The following AGTPBP1 variants were observed in gnomAD, a reference collection of about 807,000 sequenced individuals.
AGTPBP1 encodes ATP/GTP binding carboxypeptidase 1, also known as cytosolic carboxypeptidase 1.
A neutral mutation model predicts 143.9 loss-of-function variants in AGTPBP1; 70 were observed. That is an observed-to-expected ratio of 0.49 (90% CI 0.40 to 0.59). The LOEUF is 0.59. Ranked by LOEUF, AGTPBP1 falls within the 20% of genes least tolerant of loss-of-function variation. The pLI is 0.00. For missense variants in AGTPBP1, 1,229 were observed against 1,464.5 expected (o/e 0.84, Z 2.62); for synonymous variants, 463 against 500.2 (o/e 0.93, Z 0.99).
chr9:85,781,463 T>C, the AGTPBP1 span: 1 of 1,295,886 alleles, frequency 7.7e-7, no homozygotes, highest in Non-Finnish European at 1.0e-6. Flanking sequence ...TTGATTGGGT[T>C]ATTTAGGATT....
At chr9:85,727,057 T>C (rs1303999507) in intron 1 of AGTPBP1, among the ~76,000 whole-genome samples, 1 of 152,138 alleles carries the variant, frequency 6.6e-6, no homozygotes, top group Non-Finnish European at 1.5e-5. Context: ...CGGCCGGGTG[T>C]GGTGGCTCAC....
rs1156931410 is a variant in AGTPBP1, at chr9:85,689,898, CAAAAAA to C, written c.157+2785_157+2790del. 2.8e-4 allele frequency among the ~76,000 whole-genome samples: 8 copies of C among 28,340 alleles called. No individual in the cohort carries two copies. In the Admixed American group the frequency reaches 3.3e-3, roughly 12 times the overall value. 18.6% of individuals were successfully genotyped at this position (28,340 alleles called of 152,430 possible). A position where few individuals can be genotyped will look rare whatever the true frequency, so the allele number is the denominator to read the frequency against. On this transcript the variant is annotated intron_variant, in intron 3 of 25. Coordinates refer to ENST00000357081, the MANE Select transcript of AGTPBP1 (RefSeq NM_001330701.2). ...CAACAGAGTGAGAGAGACTCTGCCT[CAAAAAA>C]AAAAAAAAAAAAAAAAAAAAAATAT...
rs762852847 is a variant in AGTPBP1 at position 85,672,598 on chromosome 9, G to C, written c.520C>G (p.Arg174Gly). 6.2e-7 allele frequency: 1 copy of C among 1,613,116 alleles called. No individual in the cohort carries two copies. Among genetic ancestry groups the C allele is most frequent in the African/African-American group, 1.3e-5 (1 of 74,652 alleles). Residue 174 changes from arginine (R) to glycine (G), a missense_variant, in exon 7 of 26, where the codon CGC becomes GGC. Coordinates refer to ENST00000357081, the MANE Select transcript of AGTPBP1 (RefSeq NM_001330701.2). ...NLVKQNLQNH[R>G]LVLPCLQLLR... Reference sequence around the variant, plus strand: ...AGCTGAAGGCAAGGTAGAACCAAGCGATGATTCTGCAAATTCTGCTTGACC... The same window carrying C: ...AGCTGAAGGCAAGGTAGAACCAAGCCATGATTCTGCAAATTCTGCTTGACC...
intron 23 of AGTPBP1, among the ~76,000 whole-genome samples, chr9:85,584,080 A>G (rs76038324): frequency 0.017 from 2,565 of 152,042 alleles, 31 homozygotes; most frequent in Middle Eastern, 0.051. Flanking sequence ...CTCTGTGCAT[A>G]TGCTCTTCAT....
In AGTPBP1 at chr9:85,698,755, C is replaced by A. The variant is rs190158150; in HGVS notation, c.33-5942G>T. Among the ~76,000 whole-genome samples the A allele has an allele frequency of 4.6e-5, 6 of 129,062 alleles. No individual in the cohort carries two copies. The South Asian group carries it at 1.6e-3, about 34-fold the overall frequency. The allele number at this position is 129,062 out of a possible 152,430, so 84.7% of individuals were successfully genotyped here. On this transcript the variant is annotated intron_variant, in intron 2 of 25. Transcript: ENST00000357081. ...TCGCCCAGGCTGGAGTGCAGTGGCG[C>A]GATCTTGGCTCACTGCAAGCTCCGC... is the stretch of plus-strand genomic sequence containing the variant.
chr9:85,794,078 G>C, the AGTPBP1 span, among the ~76,000 whole-genome samples: 1 of 152,142 alleles, frequency 6.6e-6, no homozygotes, highest in Non-Finnish European at 1.5e-5. Context: ...AGCAGGGTAA[G>C]GAAATAGAAA....
At chr9:85,609,368 G>A (rs1280346059) in intron 17 of AGTPBP1, among the ~76,000 whole-genome samples, 1 of 147,854 alleles carries the variant, frequency 6.8e-6, no homozygotes, top group Non-Finnish European at 1.5e-5. Context: ...TTGGCTCACT[G>A]CAACCTCCAC....
intron 12 of AGTPBP1, among the ~76,000 whole-genome samples, chr9:85,643,880 G>A (rs1458065468): frequency 6.6e-6 from 1 of 152,138 alleles, no homozygotes; most frequent in East Asian, 1.9e-4. Context: ...TATGGCTGAA[G>A]AGAGATAATA....
In AGTPBP1 at chr9:85,617,065, CT is replaced by C. The variant is rs368265676; in HGVS notation, c.2335+1917del. On this transcript the variant is annotated intron_variant, in intron 17 of 25. Transcript: ENST00000357081. ...ATTAAATAAATGAATCTGACTAAAG[CT>C]TTTTTTCATACATGTGAAGTAATTC... Among the ~76,000 whole-genome samples, 316 of 152,162 alleles carry C rather than the reference CT, an allele frequency of 2.1e-3. 1 individual carries two copies. Among genetic ancestry groups the C allele is most frequent in the African/African-American group, 6.4e-3 (264 of 41,538 alleles).
At chr9:85,586,765 G>T (rs1587686859) in intron 22 of AGTPBP1, 66 bp downstream of exon 22, 56 of 1,548,718 alleles carry the variant, frequency 3.6e-5, no homozygotes, top group Non-Finnish European at 4.3e-5. Flanking sequence ...TCACACAAGT[G>T]CTTGATAATT....
chr9:85,579,581 T>TTG (rs34698411), intron 23 of AGTPBP1, among the ~76,000 whole-genome samples: 28,812 of 143,780 alleles, frequency 0.2, 3,888 homozygotes, highest in East Asian at 0.5. Flanking sequence ...CCCTGAGAAA[T>TTG]TGTGTGTGTG....
At chr9:85,633,544 A>C (rs1831830547) in intron 13 of AGTPBP1, among the ~76,000 whole-genome samples, 170 bp from the exon 14 acceptor site, 1 of 152,236 alleles carries the variant, frequency 6.6e-6, no homozygotes, top group Non-Finnish European at 1.5e-5. Context: ...TAACCACAAC[A>C]AAATTCATAA....
chr9:85,576,467 T>C (rs1827908247), intron 24 of AGTPBP1, among the ~76,000 whole-genome samples: 3 of 152,212 alleles, frequency 2.0e-5, no homozygotes, highest in Admixed American at 1.3e-4. Context: ...GTTTAAATAG[T>C]TTGGCCAACT....
chr9:85,710,164 G>T (rs1257034138), intron 2 of AGTPBP1, among the ~76,000 whole-genome samples: 2 of 151,662 alleles, frequency 1.3e-5, no homozygotes, highest in African/African-American at 4.8e-5. Context: ...AAGAGAATAG[G>T]GCTCTTTTTT....
intron 1 of AGTPBP1, among the ~76,000 whole-genome samples, chr9:85,729,664 A>G (rs900906421): frequency 1.3e-5 from 2 of 152,152 alleles, no homozygotes; most frequent in African/African-American, 4.8e-5. Context: ...TCTTAAATAC[A>G]TAAGAAACAC....
chr9:85,644,138 GA>G (rs1832665712), intron 12 of AGTPBP1, among the ~76,000 whole-genome samples: 1 of 151,754 alleles, frequency 6.6e-6, no homozygotes, highest in African/African-American at 2.4e-5. Context: ...CATAGCCAAT[GA>G]AAAAGATTTT....
chr9:85,686,131 C>A (rs1236333539), intron 3 of AGTPBP1, among the ~76,000 whole-genome samples: 1 of 151,412 alleles, frequency 6.6e-6, no homozygotes, highest in African/African-American at 2.4e-5. Flanking sequence ...TGTTAACAGA[C>A]CAAATGCTCA....
At chr9:85,578,471 A>G (rs1358391933) in intron 24 of AGTPBP1, among the ~76,000 whole-genome samples, 1 of 152,226 alleles carries the variant, frequency 6.6e-6, no homozygotes, top group Non-Finnish European at 1.5e-5. Context: ...AATATAAACA[A>G]ACACATAAAT....
intron 1 of AGTPBP1, among the ~76,000 whole-genome samples, chr9:85,725,841 T>C (rs1838439435): frequency 6.6e-6 from 1 of 151,202 alleles, no homozygotes; most frequent in South Asian, 2.1e-4. Context: ...AAGTCAGGAG[T>C]TCGAGACCAG....
Sources: gnomAD v4.1 joint callset for allele counts (sites outside exome capture counted in the v4.1 genomes callset) on GRCh38, gnomAD v4.1.1 for gene constraint, MANE v1.5 for transcripts, NCBI Gene and HGNC (gene_info 2026-07-23, HGNC 2026-07-21) for gene names.